CLRN2: variants seen among roughly 807,000 people sequenced by gnomAD.
The protein encoded by CLRN2 is clarin-2.
A neutral mutation model predicts 20.1 loss-of-function variants in CLRN2; 17 were observed. That is an observed-to-expected ratio of 0.85 (90% CI 0.58 to 1.27). The LOEUF is 1.27. CLRN2 is among the 50% of genes most tolerant of loss of function. The probability of loss-of-function intolerance (pLI) is 0.00; values close to 1 mark genes in which losing one functional copy is unlikely to be tolerated. For synonymous variants in CLRN2, 140 were observed against 126.9 expected (o/e 1.10, Z -0.70); for missense variants, 288 against 299.5 (o/e 0.96, Z 0.28).
At chr4:17,524,746 A>T (rs1711928239) in intron 2 of CLRN2, among the ~76,000 whole-genome samples, 1 of 146,484 alleles carries the variant, frequency 6.8e-6, no homozygotes, top group South Asian at 2.2e-4. Context: ...ACACAGCAAG[A>T]CCCCATTTCT....
chr4:17,527,007 C>T lies in CLRN2; in HGVS notation c.624C>T (p.Ile208=). ...AHAANLVVVA[I]SQIPLPEIKT... ...CTGCAAACTTGGTCGTGGTGGCGAT[C>T]AGTCAAATTCCCCTCCCTGAGATTA... The change falls in exon 3 of 3, where the codon ATC becomes ATT. Residue 208 remains isoleucine, a synonymous_variant. Coordinates refer to ENST00000511148, the MANE Select transcript of CLRN2 (RefSeq NM_001079827.2). 6.2e-6 allele frequency: 10 copies of T among 1,614,002 alleles called. No homozygotes were observed. Among genetic ancestry groups the T allele is most frequent in the South Asian group, 1.1e-5 (1 of 91,076 alleles).
chr4:17,526,731 A>G, intron 2 of CLRN2, 86 bp from the exon 3 acceptor site: 1 of 1,532,488 alleles, frequency 6.5e-7, no homozygotes, highest in Non-Finnish European at 8.9e-7. Context: ...ACCCAAAGCA[A>G]GTTTGTCACA....
At chr4:17,519,145 T>C (rs899707000) in intron 1 of CLRN2, among the ~76,000 whole-genome samples, 30 of 152,344 alleles carry the variant, frequency 2.0e-4, no homozygotes, top group African/African-American at 7.0e-4. Context: ...CAGACCTCTC[T>C]GGGATTCGGA....
In CLRN2 at chr4:17,515,400, A is replaced by T. The variant is rs1577199400; in HGVS notation, c.134A>T (p.Asp45Val). Residue 45 changes from aspartate (D) to valine (V), a missense_variant, in exon 1 of 3, where the codon GAT becomes GTT. Asp to Val is a radical substitution (Grantham distance 152, BLOSUM62 -3). Coordinates refer to ENST00000511148, the MANE Select transcript of CLRN2 (RefSeq NM_001079827.2). ...AAAATCCTTTGTCAGACTGGAGTGG[A>T]TCTGGTCAACGCCACAGACAGAGAG... ...SGKILCQTGV[D>V]LVNATDRELV... is the part of the protein sequence containing the mutation. The T allele has an allele frequency of 6.2e-7, 1 of 1,613,786 alleles. No individual in the cohort carries two copies. Among genetic ancestry groups the T allele is most frequent in the South Asian group, 1.1e-5 (1 of 91,074 alleles).
intron 2 of CLRN2, among the ~76,000 whole-genome samples, chr4:17,524,232 G>GTGTA (rs1711911141): frequency 6.6e-6 from 1 of 151,460 alleles, no homozygotes; most frequent in Admixed American, 6.6e-5. Context: ...GTGTGTGTGT[G>GTGTA]TGTGCGCGCG....
intron 1 of CLRN2, among the ~76,000 whole-genome samples, chr4:17,517,263 T>C (rs540172917): frequency 1.3e-5 from 2 of 152,306 alleles, no homozygotes; most frequent in South Asian, 4.2e-4. Context: ...TAGGTCTGGA[T>C]GTAGGCAGGT....
chr4:17,524,408 T>C (rs1711916683), intron 2 of CLRN2, among the ~76,000 whole-genome samples: 1 of 152,230 alleles, frequency 6.6e-6, no homozygotes, highest in Admixed American at 6.5e-5. Context: ...TCCCTCGCTA[T>C]GATTACCTTA....
intron 2 of CLRN2, among the ~76,000 whole-genome samples, chr4:17,524,298 A>G (rs924152664): frequency 2.0e-5 from 3 of 152,052 alleles, no homozygotes; most frequent in African/African-American, 7.2e-5. Context: ...TTAATTATGC[A>G]CTTAACAAAT....
chr4:17,519,562 G>C (rs766983703), intron 1 of CLRN2, among the ~76,000 whole-genome samples: 1 of 152,098 alleles, frequency 6.6e-6, no homozygotes, highest in South Asian at 2.1e-4. Flanking sequence ...TAAAGCCACC[G>C]GCACATAGTC....
chr4:17,526,842 C>A lies in CLRN2; in HGVS notation c.459C>A (p.Ala153=), dbSNP rs1484713983. The A allele has an allele frequency of 6.2e-7, 1 of 1,614,028 alleles. No individual in the cohort carries two copies. Among genetic ancestry groups the A allele is most frequent in the South Asian group, 1.1e-5 (1 of 91,086 alleles). ...LAGGVVALAI[A]SFVAAVKFHD... ...GCGGCGTCGTGGCGTTAGCCATCGC[C>A]AGCTTCGTGGCTGCGGTGAAATTTC... Residue 153 remains alanine, a synonymous_variant, in exon 3 of 3, where the codon GCC becomes GCA. Coordinates refer to ENST00000511148, the MANE Select transcript of CLRN2 (RefSeq NM_001079827.2).
In CLRN2 at chr4:17,518,027, G is replaced by A. The variant is rs138153877; in HGVS notation, c.253+2508G>A. On this transcript the variant is annotated intron_variant, in intron 1 of 2. Coordinates refer to ENST00000511148, the MANE Select transcript of CLRN2 (RefSeq NM_001079827.2). The stretch of plus-strand genomic sequence containing the variant: ...CCACAACCAGGAGTCTGTTTCTCCT[G>A]GGGTCTCTTTCTGCCATTCACTATC... Among the ~76,000 whole-genome samples the A allele has an allele frequency of 4.9e-3, 737 of 150,066 alleles. 4 individuals are homozygous for A. Among genetic ancestry groups the A allele is most frequent in the African/African-American group, 0.017 (685 of 40,780 alleles).
chr4:17,521,905 G>A (rs1711844694), intron 1 of CLRN2, among the ~76,000 whole-genome samples: 1 of 152,214 alleles, frequency 6.6e-6, no homozygotes, highest in Non-Finnish European at 1.5e-5. Context: ...AGATGCGTGT[G>A]ACCCCCTAGT....
At chr4:17,526,749 C>T in intron 2 of CLRN2, 68 bp from the exon 3 acceptor site, 2 of 1,578,818 alleles carry the variant, frequency 1.3e-6, no homozygotes, top group Non-Finnish European at 1.7e-6. Context: ...ACACGTGGCA[C>T]AGAAATGCCA....
intron 1 of CLRN2, among the ~76,000 whole-genome samples, chr4:17,516,843 A>C (rs1294092443): frequency 6.6e-6 from 1 of 152,260 alleles, no homozygotes; most frequent in Non-Finnish European, 1.5e-5. Flanking sequence ...TTTAGGGGTC[A>C]AGAAAACTTC....
chr4:17,515,637 A>T, intron 1 of CLRN2, 118 bp downstream of exon 1: 1 of 1,143,606 alleles, frequency 8.7e-7, no homozygotes, highest in Non-Finnish European at 1.2e-6. Flanking sequence ...ATAATGTCAA[A>T]GTCCACAGTG....
At chr4:17,518,790 G>T (rs920858498) in intron 1 of CLRN2, among the ~76,000 whole-genome samples, 9 of 151,198 alleles carry the variant, frequency 6.0e-5, no homozygotes, top group Admixed American at 5.9e-4. Context: ...GAAAAAGAAA[G>T]AAAAATTTAC....
In CLRN2 at chr4:17,515,520, G is replaced by A. The variant is rs1190738229; in HGVS notation, c.253+1G>A. 1.2e-6 allele frequency: 2 copies of A among 1,613,794 alleles called. No homozygotes were observed. Among genetic ancestry groups the A allele is most frequent in the South Asian group, 1.1e-5 (1 of 91,058 alleles). ...GGGGGCCGCCAATCCCAATTCACGA[G>A]TGAGTATATTGGGAGCATGAAAGCT... On this transcript the variant is annotated splice_donor_variant, in intron 1 of 2. Coordinates refer to ENST00000511148, the MANE Select transcript of CLRN2 (RefSeq NM_001079827.2). LOFTEE classifies it high-confidence loss of function.
At chr4:17,517,705 A>G (rs1366471002) in intron 1 of CLRN2, among the ~76,000 whole-genome samples, 1 of 152,178 alleles carries the variant, frequency 6.6e-6, no homozygotes. Context: ...TGAGAAGCAT[A>G]AAGGACATTT....
chr4:17,518,386 C>G (rs1281537375), intron 1 of CLRN2, among the ~76,000 whole-genome samples: 1 of 152,184 alleles, frequency 6.6e-6, no homozygotes, highest in Non-Finnish European at 1.5e-5. Context: ...TCCACACATT[C>G]AATTGTACTA....
Sources: allele counts gnomAD v4.1 joint callset (sites outside exome capture counted in the v4.1 genomes callset), GRCh38; gene constraint gnomAD v4.1.1; transcripts MANE v1.5; gene names NCBI Gene and HGNC (gene_info 2026-07-23, HGNC 2026-07-21).